Variants in ALS2 observed in about 807,000 individuals in gnomAD.
ALS2 encodes alsin Rho guanine nucleotide exchange factor ALS2.
A neutral mutation model predicts 203.4 loss-of-function variants in ALS2; 117 were observed. That is an observed-to-expected ratio of 0.58 (90% CI 0.50 to 0.67). ALS2 has a LOEUF of 0.67. Among genes scored for constraint, ALS2 ranks in the 30% least tolerant of loss-of-function variants. The pLI, the probability that ALS2 is intolerant of heterozygous loss-of-function variation, is 0.00. For missense variants in ALS2, 1,715 were observed against 1,989.4 expected, an observed-to-expected ratio of 0.86 and a Z score of 2.62; for synonymous variants, 718 against 725.9, an observed-to-expected ratio of 0.99 and a Z score of 0.17.
chr2:201,727,677 G>T (rs1446143844), intron 16 of ALS2, 28 bp downstream of exon 16: 2 of 1,538,094 alleles, frequency 1.3e-6, no homozygotes, highest in East Asian at 2.5e-5. Context: ...CTTGGACGGG[G>T]TGGGGTGGGG....
chr2:201,767,113 A>G (rs982699837), intron 3 of ALS2, 116 bp downstream of exon 3: 1 of 1,215,344 alleles, frequency 8.2e-7, no homozygotes, highest in African/African-American at 1.6e-5. Context: ...TTTAAAAAAA[A>G]AAGAAAGAAA....
At chr2:201,737,203 AG>A (rs1398607296) in intron 12 of ALS2, among the ~76,000 whole-genome samples, 2 of 152,216 alleles carry the variant, frequency 1.3e-5, no homozygotes, top group East Asian at 3.8e-4. Flanking sequence ...ATATTTTATT[AG>A]ATGTTATAAG....
chr2:201,752,887 C>T (rs1202397342), intron 7 of ALS2, among the ~76,000 whole-genome samples: 1 of 152,158 alleles, frequency 6.6e-6, no homozygotes, highest in Non-Finnish European at 1.5e-5. Context: ...ATAGAAAGCT[C>T]CTAAATCAGG....
chr2:201,779,960 G>A (rs948671026), intron 1 of ALS2: 1 of 152,178 alleles, frequency 6.6e-6, no homozygotes, highest in Non-Finnish European at 1.5e-5. Context: ...GGACCAATAG[G>A]TTTGCTGAAG....
chr2:201,758,760 ATGTG>A (rs775648737), intron 4 of ALS2, among the ~76,000 whole-genome samples: 70 of 150,744 alleles, frequency 4.6e-4, no homozygotes, highest in African/African-American at 1.5e-3. Context: ...GTGTGTGCGC[ATGTG>A]TGTGTGTGTG....
chr2:201,722,970 G>A, intron 23 of ALS2, 73 bp downstream of exon 23: 1 of 1,214,478 alleles, frequency 8.2e-7, no homozygotes, highest in Non-Finnish European at 1.2e-6. Flanking sequence ...ATGTAAATCA[G>A]CTATTTTTAA....
intron 25 of ALS2, among the ~76,000 whole-genome samples, chr2:201,712,736 A>G (rs904722416): frequency 1.4e-5 from 2 of 147,192 alleles, no homozygotes; most frequent in African/African-American, 5.0e-5. Context: ...AGGCAGATGG[A>G]GAAAAGCAGG....
intron 8 of ALS2, among the ~76,000 whole-genome samples, chr2:201,747,901 C>T (rs1003177145): frequency 6.6e-6 from 1 of 152,150 alleles, no homozygotes; most frequent in African/African-American, 2.4e-5. Context: ...GGCTCTAGGC[C>T]CCCACTCCAT....
intron 3 of ALS2, among the ~76,000 whole-genome samples, chr2:201,766,218 T>C (rs1412156882): frequency 6.6e-6 from 1 of 152,226 alleles, no homozygotes. Flanking sequence ...TAATTTTTCA[T>C]GTATTTATTA....
intron 10 of ALS2, among the ~76,000 whole-genome samples, chr2:201,743,035 C>T (rs1251039835): frequency 6.8e-6 from 1 of 146,818 alleles, no homozygotes; most frequent in African/African-American, 2.5e-5. Flanking sequence ...TGTGCCACTA[C>T]ACTCCAGCCT....
intron 1 of ALS2, among the ~76,000 whole-genome samples, chr2:201,779,786 G>A (rs1306936295): frequency 6.6e-6 from 1 of 152,170 alleles, no homozygotes; most frequent in Non-Finnish European, 1.5e-5. Flanking sequence ...GTGACTCTGG[G>A]TATGTTCAGA....
At chr2:201,776,772 A>G (rs1694679364) in intron 1 of ALS2, among the ~76,000 whole-genome samples, 1 of 152,222 alleles carries the variant, frequency 6.6e-6, no homozygotes, top group South Asian at 2.1e-4. Flanking sequence ...CAGGAAATAC[A>G]CATACTAAAA....
intron 23 of ALS2, among the ~76,000 whole-genome samples, chr2:201,720,628 C>G (rs6713927): frequency 0.18 from 26,632 of 150,858 alleles, 2,634 homozygotes; most frequent in East Asian, 0.39. Context: ...GAGGGAGGAT[C>G]GCTTGAGCCC....
At chr2:201,778,998 G>A (rs1323317996) in intron 1 of ALS2, among the ~76,000 whole-genome samples, 1 of 152,076 alleles carries the variant, frequency 6.6e-6, no homozygotes, top group Admixed American at 6.5e-5. Flanking sequence ...ATTATCATTA[G>A]AATGGACCCA....
intron 7 of ALS2, among the ~76,000 whole-genome samples, chr2:201,750,538 A>C (rs568945676): frequency 6.6e-6 from 1 of 152,196 alleles, no homozygotes; most frequent in African/African-American, 2.4e-5. Context: ...CCTTTCATAC[A>C]TGAAGAGTTA....
At chr2:201,750,168 C>CAAA (rs200148047) in intron 7 of ALS2, among the ~76,000 whole-genome samples, 1 of 114,812 alleles carries the variant, frequency 8.7e-6, no homozygotes, top group African/African-American at 3.2e-5. Flanking sequence ...GTCGGTATCC[C>CAAA]AAAAAAAAAA....
At chr2:201,725,831 CTTCTCA>C (rs1459092308) in intron 19 of ALS2, among the ~76,000 whole-genome samples, 1 of 152,194 alleles carries the variant, frequency 6.6e-6, no homozygotes, top group African/African-American at 2.4e-5. Context: ...TCTAAAGTCT[CTTCTCA>C]TTCTAACAAT....
At chr2:201,713,283 G>A (rs184990793) in intron 25 of ALS2, among the ~76,000 whole-genome samples, 25 of 151,238 alleles carry the variant, frequency 1.7e-4, no homozygotes, top group East Asian at 1.2e-3. Context: ...ATTCAGGCCC[G>A]GGCTAATTTT....
Position 201,761,205 on chromosome 2 carries a change from C to T in ALS2, c.789G>A (p.Leu263=). Residue 263 remains leucine, a synonymous_variant, in exon 4 of 34, where the codon CTG becomes CTA. Transcript: ENST00000264276. ...CATGGTTTTCTGCCTGAGATTCTGT[C>T]AGTGTCACACCTAATGGGCAACAAT... is the stretch of plus-strand genomic sequence containing the variant. ...DSHCCPLGVT[L]TESQAENHAS... is the part of the protein sequence containing the mutation. 4 of 1,614,172 alleles carry T rather than the reference C, an allele frequency of 2.5e-6. No homozygotes were observed. Among genetic ancestry groups the T allele is most frequent in the Non-Finnish European group, 3.4e-6 (4 of 1,180,046 alleles).
Sources: allele counts gnomAD v4.1 joint callset (sites outside exome capture counted in the v4.1 genomes callset), GRCh38; gene constraint gnomAD v4.1.1; transcripts MANE v1.5; gene names NCBI Gene and HGNC (gene_info 2026-07-23, HGNC 2026-07-21).